The following PIAS2 variants were observed in gnomAD, a reference collection of about 807,000 sequenced individuals.
PIAS2 encodes E3 SUMO-protein ligase PIAS2.
A neutral mutation model predicts 69.7 loss-of-function variants in PIAS2; 19 were observed. That is an observed-to-expected ratio of 0.27 (90% confidence interval 0.19 to 0.40). The LOEUF is 0.40. PIAS2 is among the 10% of genes least tolerant of loss of function. The probability of loss-of-function intolerance (pLI) is 1.00; values close to 1 mark genes in which losing one functional copy is unlikely to be tolerated. For synonymous variants in PIAS2, 261 were observed against 263.2 expected (o/e 0.99, Z 0.08); for missense variants, 624 against 757.0 (o/e 0.82, Z 2.06).
chr18:46,909,744 C>T (rs1462986258), intron 1 of PIAS2, among the ~76,000 whole-genome samples: 1 of 152,176 alleles, frequency 6.6e-6, no homozygotes. Context: ...TACAGTGAAA[C>T]ATACAAATAT....
chr18:46,894,072 G>T (rs983824229), intron 1 of PIAS2, among the ~76,000 whole-genome samples: 2 of 152,132 alleles, frequency 1.3e-5, no homozygotes, highest in East Asian at 1.9e-4. Flanking sequence ...GTTGCAGTGA[G>T]CCAAGACTGA....
At chr18:46,884,189 A>C (rs887701025) in intron 2 of PIAS2, among the ~76,000 whole-genome samples, 2 of 152,214 alleles carry the variant, frequency 1.3e-5, no homozygotes, top group Non-Finnish European at 2.9e-5. Context: ...GCAGCTTCAC[A>C]GGTGTTCATT....
intron 1 of PIAS2, among the ~76,000 whole-genome samples, chr18:46,895,387 C>G (rs943039504): frequency 6.6e-6 from 1 of 151,966 alleles, no homozygotes; most frequent in African/African-American, 2.4e-5. Flanking sequence ...TAATCTACCT[C>G]AGGACGGACA....
chr18:46,838,582 A>G lies in PIAS2; in HGVS notation c.1042-2065T>C, dbSNP rs559845520. Among the ~76,000 whole-genome samples, 4 of 152,348 alleles carry G rather than the reference A, an allele frequency of 2.6e-5. No individual in the cohort carries two copies. In the South Asian group the frequency reaches 8.3e-4, roughly 32 times the overall value. On this transcript the variant is annotated intron_variant, in intron 8 of 13. Transcript: ENST00000585916. Reference sequence around the variant, plus strand: ...TTAGAACAGAAAAAGGTCAGAATAAAACCTGGGGCAGCTTCTCTTCTTATG... The same window carrying G: ...TTAGAACAGAAAAAGGTCAGAATAAGACCTGGGGCAGCTTCTCTTCTTATG...
chr18:46,834,750 G>A (rs901914045), intron 9 of PIAS2, among the ~76,000 whole-genome samples: 7 of 152,156 alleles, frequency 4.6e-5, no homozygotes, highest in Non-Finnish European at 7.4e-5. Flanking sequence ...AAAGTGCTGG[G>A]ATGACAGGTG....
At position 46,820,983 on chromosome 18, in the gene PIAS2, G is replaced by GAGT. The variant is rs777144348; in HGVS notation, c.1595_1597dup (p.Tyr532dup). The GAGT allele has an allele frequency of 8.7e-5, 141 of 1,613,366 alleles. No homozygotes were observed. The highest frequency in any genetic ancestry group is 1.2e-4 in the Non-Finnish European group (136 of 1,179,540). On this transcript the variant is annotated inframe_insertion, in exon 12 of 14. Transcript: ENST00000585916. ...TATTGGCGTATGGTGGAATGGTACT[G>GAGT]AGTAGTCTGTTAATGAAGGCGGAAT...
intron 5 of PIAS2, among the ~76,000 whole-genome samples, chr18:46,851,144 G>A (rs1453458479): frequency 6.6e-6 from 1 of 152,142 alleles, no homozygotes; most frequent in Non-Finnish European, 1.5e-5. Flanking sequence ...CAGGCCATCA[G>A]GGTAACTAAC....
intron 1 of PIAS2, among the ~76,000 whole-genome samples, chr18:46,905,505 A>G (rs561971627): frequency 6.6e-6 from 1 of 152,222 alleles, no homozygotes; most frequent in African/African-American, 2.4e-5. Flanking sequence ...ATGAAACAGG[A>G]AGGATACACT....
chr18:46,901,570 G>A (rs796493836), intron 1 of PIAS2, among the ~76,000 whole-genome samples: 3 of 152,142 alleles, frequency 2.0e-5, no homozygotes, highest in African/African-American at 7.2e-5. Context: ...TGCAAGACTG[G>A]TTCATTATAT....
rs114805229 is a variant in PIAS2 at position 46,843,376 on chromosome 18, G to A, written c.1041+678C>T. Among the ~76,000 whole-genome samples, 390 of 152,174 alleles carry A rather than the reference G, an allele frequency of 2.6e-3. 3 individuals are homozygous for A. The highest frequency in any genetic ancestry group is 8.7e-3 in the African/African-American group (363 of 41,520). On this transcript the variant is annotated intron_variant, in intron 8 of 13. Transcript: ENST00000585916. ...TTTTCTCATTAAGTTCTTCTTAACC[G>A]GAAAGGGTTCCCCTCCAATTCATTC...
At chr18:46,909,053 G>T (rs2056963715) in intron 1 of PIAS2, among the ~76,000 whole-genome samples, 1 of 152,004 alleles carries the variant, frequency 6.6e-6, no homozygotes, top group African/African-American at 2.4e-5. Context: ...CCAATTGAAA[G>T]GAGAAATTTG....
Position 46,823,718 on chromosome 18 carries a change from T to TA in PIAS2, c.1509-2647dup, listed in dbSNP as rs568738487. Among the ~76,000 whole-genome samples, 153 of 152,282 alleles carry TA rather than the reference T, an allele frequency of 1.0e-3. 1 individual carries two copies. The highest frequency in any genetic ancestry group is 3.6e-3 in the African/African-American group (149 of 41,558). ...CAAACATATGAAAAGCTAAACTACT[T>TA]AGTGTTGGTTAATTCCCATTACCTG... is the stretch of plus-strand genomic sequence containing the variant. On this transcript the variant is annotated intron_variant, in intron 11 of 13. Coordinates refer to ENST00000585916, the MANE Select transcript of PIAS2 (RefSeq NM_004671.5).
chr18:46,856,960 C>A (rs2047935522), intron 3 of PIAS2, among the ~76,000 whole-genome samples: 1 of 152,230 alleles, frequency 6.6e-6, no homozygotes, highest in Non-Finnish European at 1.5e-5. Context: ...CTTAACCATT[C>A]TGTGCCTCAG....
chr18:46,827,227 A>G (rs2042955144), intron 11 of PIAS2: 1 of 152,188 alleles, frequency 6.6e-6, no homozygotes, highest in Non-Finnish European at 1.5e-5. Context: ...CAGCCAGGAG[A>G]ACTCTCCTGT....
rs2040956011 is a variant in PIAS2 at position 46,810,895 on chromosome 18, G to A, written c.*1538C>T. ...TGGTTGGACTGGCCATTAAAAAAAG[G>A]ACTTTGTTTTTAAGGTAGATAAAGC... On this transcript the variant is annotated 3_prime_UTR_variant, in exon 14 of 14. Transcript: ENST00000585916. 1 of 152,008 alleles carries A rather than the reference G, an allele frequency of 6.6e-6. No homozygotes were observed. The highest frequency in any genetic ancestry group is 2.1e-4 in the South Asian group (1 of 4,814). The allele number at this position is 152,008 out of a possible 1,614,324, so 9.4% of individuals were successfully genotyped here.
chr18:46,875,593 A>T (rs1263661388), intron 2 of PIAS2, among the ~76,000 whole-genome samples: 3 of 152,114 alleles, frequency 2.0e-5, no homozygotes. Flanking sequence ...GGGATCCAAC[A>T]CTTTCCCCAA....
chr18:46,850,195 C>A (rs1179125682), intron 5 of PIAS2, among the ~76,000 whole-genome samples: 1 of 152,106 alleles, frequency 6.6e-6, no homozygotes, highest in Non-Finnish European at 1.5e-5. Context: ...CTACTCTACC[C>A]AACTCCCACT....
intron 1 of PIAS2, among the ~76,000 whole-genome samples, chr18:46,896,521 G>T (rs2054911088): frequency 6.6e-6 from 1 of 152,150 alleles, no homozygotes; most frequent in Non-Finnish European, 1.5e-5. Context: ...GAGAATAAAA[G>T]CCAGGGAGTA....
At chr18:46,831,189 G>T (rs1002287430) in intron 9 of PIAS2, among the ~76,000 whole-genome samples, 1 of 152,002 alleles carries the variant, frequency 6.6e-6, no homozygotes, top group African/African-American at 2.4e-5. Context: ...AACTACTAAG[G>T]GATGGGAATA....
Sources: gnomAD v4.1 joint callset for allele counts (sites outside exome capture counted in the v4.1 genomes callset) on GRCh38, gnomAD v4.1.1 for gene constraint, MANE v1.5 for transcripts, NCBI Gene and HGNC (gene_info 2026-07-23, HGNC 2026-07-21) for gene names.